B3GLCT: variants seen among roughly 807,000 people sequenced by gnomAD.
B3GLCT encodes the protein beta-1,3-glucosyltransferase.
B3GLCT carries 65 observed loss-of-function variants against 63.4 expected under a neutral mutation model. That is an observed-to-expected ratio of 1.03 (90% CI 0.84 to 1.26). B3GLCT has a LOEUF of 1.26. Ranked by LOEUF, B3GLCT falls within the 50% of genes most tolerant of loss-of-function variation. The pLI is 0.00. For missense variants in B3GLCT, 577 were observed against 604.8 expected (o/e 0.95, Z 0.48); for synonymous variants, 233 against 219.2 (o/e 1.06, Z -0.55).
At chr13:31,248,202 T>C (rs1230164180) in intron 6 of B3GLCT, among the ~76,000 whole-genome samples, 1 of 152,230 alleles carries the variant, frequency 6.6e-6, no homozygotes, top group Non-Finnish European at 1.5e-5. Context: ...TTAATATATG[T>C]GTTAGCAATT....
At chr13:31,210,330 A>G (rs555094690) in intron 1 of B3GLCT, among the ~76,000 whole-genome samples, 179 of 152,336 alleles carry the variant, frequency 1.2e-3, no homozygotes, top group Non-Finnish European at 1.9e-3. Context: ...TATTTCTCCA[A>G]CTGCACATTA....
intron 13 of B3GLCT, among the ~76,000 whole-genome samples, chr13:31,322,264 C>T (rs1458672611): frequency 1.3e-5 from 2 of 152,232 alleles, no homozygotes; most frequent in African/African-American, 2.4e-5. Context: ...AGAGAGACTG[C>T]CATGACCTAT....
chr13:31,310,711 G>A (rs1377450642), intron 12 of B3GLCT, among the ~76,000 whole-genome samples: 1 of 152,230 alleles, frequency 6.6e-6, no homozygotes, highest in Non-Finnish European at 1.5e-5. Context: ...AGCTATAACA[G>A]GAACAAGCTG....
At chr13:31,260,591 C>A (rs1593280515) in intron 6 of B3GLCT, 2 of 164,342 alleles carry the variant, frequency 1.2e-5, no homozygotes, top group East Asian at 3.5e-4. Context: ...TCAAATTATT[C>A]TTTGAAAACC....
In B3GLCT at chr13:31,246,883, G is replaced by A. The variant is rs181469485; in HGVS notation, c.271-140G>A. 993 of 668,986 alleles carry A rather than the reference G, an allele frequency of 1.5e-3. 1 individual carries two copies. The highest frequency in any genetic ancestry group is 1.9e-3 in the Non-Finnish European group (758 of 389,962). The allele number at this position is 668,986 out of a possible 1,614,324, so 41.4% of individuals were successfully genotyped here. A position where few individuals can be genotyped will look rare whatever the true frequency, so the allele number is the denominator to read the frequency against. On this transcript the variant is annotated intron_variant, in intron 4 of 14. Coordinates refer to ENST00000343307, the MANE Select transcript of B3GLCT (RefSeq NM_194318.4). ...AAGTGGTTTGAAGAGTACCATGTCA[G>A]GTCTCTAGAAACAGCTGCATTTTAA...
intron 6 of B3GLCT, among the ~76,000 whole-genome samples, chr13:31,259,969 G>A (rs566565702): frequency 2.6e-5 from 4 of 152,230 alleles, no homozygotes; most frequent in South Asian, 2.1e-4. Flanking sequence ...GAGAGTAGAT[G>A]CAATCCAGAT....
rs80298137 is a variant in B3GLCT, at chr13:31,208,407, C to T, written c.71-6644C>T. Among the ~76,000 whole-genome samples the T allele has an allele frequency of 5.7e-3, 872 of 152,260 alleles. 9 individuals are homozygous for T. Among genetic ancestry groups the T allele is most frequent in the African/African-American group, 0.02 (832 of 41,544 alleles). On this transcript the variant is annotated intron_variant, in intron 1 of 14. Coordinates refer to ENST00000343307, the MANE Select transcript of B3GLCT (RefSeq NM_194318.4). ...TGTGGAGACTCTAGTGCTGCAGCCG[C>T]TATTGCACGCACACCCCTGTGCTGG...
chr13:31,214,605 G>C (rs1593248912), intron 1 of B3GLCT, among the ~76,000 whole-genome samples: 1 of 152,318 alleles, frequency 6.6e-6, no homozygotes, highest in East Asian at 1.9e-4. Context: ...GAAAAAGCTT[G>C]CTCCAAATTT....
intron 7 of B3GLCT, among the ~76,000 whole-genome samples, chr13:31,262,983 G>T (rs980189759): frequency 6.6e-6 from 1 of 152,152 alleles, no homozygotes; most frequent in East Asian, 1.9e-4. Context: ...CTTGAGAGAG[G>T]AACAAACACA....
intron 8 of B3GLCT, among the ~76,000 whole-genome samples, chr13:31,272,512 G>A (rs1872617793): frequency 6.6e-6 from 1 of 151,906 alleles, no homozygotes; most frequent in Non-Finnish European, 1.5e-5. Flanking sequence ...CACCGTGCCC[G>A]GCCCCTCTAT....
chr13:31,206,586 A>G (rs78036963), intron 1 of B3GLCT, among the ~76,000 whole-genome samples: 1 of 16,140 alleles, frequency 6.2e-5, no homozygotes, highest in Non-Finnish European at 1.6e-4. Context: ...TAAAAATGCA[A>G]AAAAAAAAAA....
At chr13:31,239,861 A>G (rs1234882826) in intron 4 of B3GLCT, among the ~76,000 whole-genome samples, 1 of 152,206 alleles carries the variant, frequency 6.6e-6, no homozygotes, top group East Asian at 1.9e-4. Flanking sequence ...AAGATAAAGC[A>G]TAATTGCATT....
intron 10 of B3GLCT, among the ~76,000 whole-genome samples, chr13:31,277,319 G>A (rs1386148141): frequency 1.3e-5 from 2 of 151,942 alleles, no homozygotes; most frequent in African/African-American, 4.8e-5. Flanking sequence ...ATCCTGGCAT[G>A]CAGATTAATG....
At chr13:31,300,496 T>G (rs2137906150) in intron 12 of B3GLCT, among the ~76,000 whole-genome samples, 1 of 152,316 alleles carries the variant, frequency 6.6e-6, no homozygotes, top group South Asian at 2.1e-4. Context: ...TAAAGTAGTC[T>G]CACTGAGAAC....
intron 4 of B3GLCT, among the ~76,000 whole-genome samples, chr13:31,230,504 A>G (rs1343565103): frequency 6.6e-6 from 1 of 152,252 alleles, no homozygotes; most frequent in Non-Finnish European, 1.5e-5. Flanking sequence ...ACAGTATTCA[A>G]GGCAAGGAAC....
chr13:31,324,039 G>C, intron 14 of B3GLCT, 144 bp downstream of exon 14: 1 of 1,109,652 alleles, frequency 9.0e-7, no homozygotes, highest in Non-Finnish European at 1.4e-6. Flanking sequence ...TCCTTAACCA[G>C]GACTGTTACC....
chr13:31,281,886 C>A (rs947356240), intron 10 of B3GLCT, among the ~76,000 whole-genome samples: 6 of 152,188 alleles, frequency 3.9e-5, no homozygotes, highest in Non-Finnish European at 7.3e-5. Flanking sequence ...TATAAGTCAC[C>A]TCCCTGGGGG....
At chr13:31,265,030 A>T (rs1566070258) in intron 7 of B3GLCT, among the ~76,000 whole-genome samples, 1 of 152,156 alleles carries the variant, frequency 6.6e-6, no homozygotes, top group East Asian at 1.9e-4. Context: ...TGGTTTCAAG[A>T]CAATAAGGGC....
chr13:31,248,028 TTTGA>T, intron 6 of B3GLCT, 62 bp downstream of exon 6: 1 of 934,658 alleles, frequency 1.1e-6, no homozygotes, highest in Non-Finnish European at 1.7e-6. Context: ...GAGATTTAAT[TTTGA>T]TTAAGAAGCT....
Sources: gnomAD v4.1 joint callset for allele counts (sites outside exome capture counted in the v4.1 genomes callset) on GRCh38, gnomAD v4.1.1 for gene constraint, MANE v1.5 for transcripts, NCBI Gene and HGNC (gene_info 2026-07-23, HGNC 2026-07-21) for gene names.